NLRP2: variants seen among roughly 807,000 people sequenced by gnomAD.
The protein encoded by NLRP2 is NACHT, LRR and PYD domains-containing protein 2.
A neutral mutation model predicts 97.2 loss-of-function variants in NLRP2; 107 were observed. That is an observed-to-expected ratio of 1.10 (90% CI 0.94 to 1.29). NLRP2 has a LOEUF of 1.29. NLRP2 is among the 50% of genes most tolerant of loss of function. NLRP2 has a pLI of 0.00. For synonymous variants in NLRP2, 663 were observed against 551.5 expected, an observed-to-expected ratio of 1.20 and a Z score of -2.83; for missense variants, 1,495 against 1,330.3, an observed-to-expected ratio of 1.12 and a Z score of -1.93.
intron 3 of NLRP2, 137 bp from the exon 4 acceptor site, chr19:54,977,615 C>T (rs974553425): frequency 2.4e-6 from 2 of 819,790 alleles, no homozygotes; most frequent in South Asian, 1.3e-5. Context: ...TTCACTTTTA[C>T]ATCCAGTACC....
intron 2 of NLRP2, among the ~76,000 whole-genome samples, chr19:54,970,770 C>CTTTTTTTTTTTTTTTTTTTTCTTTTTTTT (rs34406686): frequency 1.8e-5 from 2 of 108,468 alleles, no homozygotes; most frequent in Admixed American, 9.7e-5. Flanking sequence ...CTACCTACTT[C>CTTTTTTTTTTTTTTTTTTTTCTTTTTTTT]TTTTTTTTTT....
At chr19:54,987,309 C>T (rs1222262290) in intron 8 of NLRP2, among the ~76,000 whole-genome samples, 1 of 152,160 alleles carries the variant, frequency 6.6e-6, no homozygotes, top group African/African-American at 2.4e-5. Context: ...TCAGGAACAT[C>T]AAGTTGCCCC....
Position 54,986,288 on chromosome 19 carries a change from A to C in NLRP2, c.2339A>C (p.His780Pro), listed in dbSNP as rs971494741. 10 of 1,614,018 alleles carry C rather than the reference A, an allele frequency of 6.2e-6. No homozygotes were observed. The highest frequency in any genetic ancestry group is 1.7e-5 in the Admixed American group (1 of 59,982). The change falls in exon 8 of 13, where the codon CAT becomes CCT. Residue 780 changes from histidine to proline, a missense_variant. Coordinates refer to ENST00000448584, the MANE Select transcript of NLRP2 (RefSeq NM_017852.5). ...CCCGCATTGTGTGAGGTCTTGAGAC[A>C]TCCAGAATGTAACCTGCGATATCTC... ...MFPALCEVLR[H>P]PECNLRYLGL... is the part of the protein sequence containing the mutation.
Position 54,977,767 on chromosome 19 carries a change from AACGACC to A in NLRP2, c.344_349del (p.Arg115_Pro116del), listed in dbSNP as rs2071335415. The stretch of plus-strand genomic sequence containing the variant: ...TTTTCTCCAGGGATAACACGGAAAG[AACGACC>A]ACCTCTAGACGTGGACGAAATGCTG... On this transcript the variant is annotated inframe_deletion, in exon 4 of 13. Transcript: ENST00000448584. The A allele has an allele frequency of 6.2e-7, 1 of 1,613,718 alleles. No homozygotes were observed. The highest frequency in any genetic ancestry group is 1.7e-5 in the Admixed American group (1 of 59,940).
At chr19:54,985,906 G>A (rs1206612818) in intron 7 of NLRP2, among the ~76,000 whole-genome samples, 3 of 151,976 alleles carry the variant, frequency 2.0e-5, no homozygotes, top group South Asian at 2.1e-4. Context: ...GCTGAGGGTA[G>A]GAGTCGCTTG....
chr19:54,990,317 A>T (rs1289653087), intron 9 of NLRP2, 125 bp downstream of exon 9: 2 of 1,164,790 alleles, frequency 1.7e-6, no homozygotes, highest in South Asian at 1.2e-5. Context: ...CCATGTTTAG[A>T]TCCAGGCCGA....
intron 10 of NLRP2, chr19:54,991,191 C>T (rs1460031579): frequency 5.8e-6 from 1 of 173,302 alleles, no homozygotes; most frequent in Non-Finnish European, 1.2e-5. Context: ...AGTGTACGCT[C>T]AGACTCCCAA....
chr19:54,990,043 C>A lies in NLRP2; in HGVS notation c.2388C>A (p.Thr796=). ...RYLGLVSCSA[T]TQQWADLSLA... is the part of the protein sequence containing the mutation. Reference sequence around the variant, plus strand: ...ACAGGTTGGTGTCTTGTTCCGCTACCACTCAGCAGTGGGCTGATCTCTCCT... The same window carrying A: ...ACAGGTTGGTGTCTTGTTCCGCTACAACTCAGCAGTGGGCTGATCTCTCCT... The change falls in exon 9 of 13, where the codon ACC becomes ACA. Residue 796 remains threonine, a synonymous_variant. Transcript: ENST00000448584. 6.2e-7 allele frequency: 1 copy of A among 1,614,074 alleles called. No individual in the cohort carries two copies. Among genetic ancestry groups the A allele is most frequent in the Non-Finnish European group, 8.5e-7 (1 of 1,180,018 alleles).
intron 8 of NLRP2, chr19:54,989,721 C>G (rs374219633): frequency 3.9e-6 from 2 of 507,228 alleles, no homozygotes; most frequent in African/African-American, 3.8e-5. Context: ...CGGTGGCTCA[C>G]GCCTGTCATC....
intron 10 of NLRP2, chr19:54,990,885 GTAGC>G (rs2072432634): frequency 1.7e-6 from 1 of 600,040 alleles, no homozygotes; most frequent in Non-Finnish European, 3.0e-6. Context: ...TTTGGGGAAT[GTAGC>G]TGGTTTTCGG....
Position 54,983,178 on chromosome 19 carries a change from G to A in NLRP2, c.1480G>A (p.Val494Ile). 1 of 1,614,022 alleles carries A rather than the reference G, an allele frequency of 6.2e-7. No individual in the cohort carries two copies. The highest frequency in any genetic ancestry group is 8.5e-7 in the Non-Finnish European group (1 of 1,180,014). ...LDGDILRQDR[V>I]SKGCYSFIHL... is the part of the protein sequence containing the mutation. ...CGGAGACATCCTCCGCCAGGACAGAGTCTCCAAAGGCTGCTACTCCTTCAT... is the reference window on the plus strand; with the variant it reads ...CGGAGACATCCTCCGCCAGGACAGAATCTCCAAAGGCTGCTACTCCTTCAT... Residue 494 changes from valine (V) to isoleucine (I), a missense_variant, in exon 6 of 13, where the codon GTC becomes ATC. Physicochemically the swap from Val to Ile is conservative, Grantham distance 29 (BLOSUM62 3). Coordinates refer to ENST00000448584, the MANE Select transcript of NLRP2 (RefSeq NM_017852.5).
At chr19:54,981,325 C>T (rs561259893) in intron 4 of NLRP2, among the ~76,000 whole-genome samples, 33 of 151,858 alleles carry the variant, frequency 2.2e-4, no homozygotes, top group Admixed American at 4.6e-4. Context: ...TGCGCCACCA[C>T]GCCTGGCTAA....
At position 54,986,450 on chromosome 19, in the gene NLRP2, G is replaced by A. The variant is rs2072093366; in HGVS notation, c.2366+135G>A. 10 of 775,566 alleles carry A rather than the reference G, an allele frequency of 1.3e-5. No individual in the cohort carries two copies. The South Asian group carries it at 1.3e-4, about 10-fold the overall frequency. 48.0% of individuals were successfully genotyped at this position (775,566 alleles called of 1,614,324 possible). A position where few individuals can be genotyped will look rare whatever the true frequency, so the allele number is the denominator to read the frequency against. On this transcript the variant is annotated intron_variant, in intron 8 of 12. Transcript: ENST00000448584. ...GTACTAAGGGCAGATGACCCAGGAT[G>A]CAGCATGGGCTGAACTTGAGTTTCT...
Position 54,982,743 on chromosome 19 carries a change from G to T in NLRP2, c.1045G>T (p.Glu349Ter). Residue 349 changes from glutamate to a stop codon, truncating the protein, a stop_gained, in exon 6 of 13, where the codon GAG becomes TAG. Coordinates refer to ENST00000448584, the MANE Select transcript of NLRP2 (RefSeq NM_017852.5). LOFTEE classifies it high-confidence loss of function. Reference sequence around the variant, plus strand: ...CCTGAGGGACCTCCGGATCCTGGCGGAGGAGCCGATCTACATAAGGGTGGA... The same window carrying T: ...CCTGAGGGACCTCCGGATCCTGGCGTAGGAGCCGATCTACATAAGGGTGGA... ...RALRDLRILA[E>*]EPIYIRVEGF... is the part of the protein sequence containing the mutation. 6.2e-7 allele frequency: 1 copy of T among 1,614,078 alleles called. No homozygotes were observed. The highest frequency in any genetic ancestry group is 8.5e-7 in the Non-Finnish European group (1 of 1,179,998).
rs1286179809 is a variant in NLRP2 at position 54,984,332 on chromosome 19, T to G, written c.2030+604T>G. The stretch of plus-strand genomic sequence containing the variant: ...TTAAGTGGGGGTTTTTTTTTGTGTT[T>G]TTTTTTTTTTTTTTTTTTTTGGAAA... On this transcript the variant is annotated intron_variant, in intron 6 of 12. Transcript: ENST00000448584. 2.7e-3 allele frequency among the ~76,000 whole-genome samples: 229 copies of G among 83,744 alleles called. 7 individuals are homozygous for G. The highest frequency in any genetic ancestry group is 4.9e-3 in the Middle Eastern group (1 of 206). 54.9% of individuals were successfully genotyped at this position (83,744 alleles called of 152,430 possible).
chr19:54,971,858 T>A (rs1251474429), intron 2 of NLRP2, among the ~76,000 whole-genome samples: 1 of 152,138 alleles, frequency 6.6e-6, no homozygotes, highest in Non-Finnish European at 1.5e-5. Context: ...AGAGAGGATC[T>A]CACTCTGTCA....
chr19:54,970,063 G>A lies in NLRP2; in HGVS notation c.48G>A (p.Glu16=). ...QMGFNLQALL[E]QLSQDELSKF... is the part of the protein sequence containing the mutation. The stretch of plus-strand genomic sequence containing the variant: ...GCTTCAACCTGCAGGCTCTCCTGGA[G>A]CAGCTCAGCCAGGATGAGTTGAGCA... Residue 16 remains glutamate, a synonymous_variant, in exon 2 of 13, where the codon GAG becomes GAA. Coordinates refer to ENST00000448584, the MANE Select transcript of NLRP2 (RefSeq NM_017852.5). 6.2e-7 allele frequency: 1 copy of A among 1,614,090 alleles called. No individual in the cohort carries two copies. The highest frequency in any genetic ancestry group is 8.5e-7 in the Non-Finnish European group (1 of 1,180,028).
rs2070752208 is a variant in NLRP2 at position 54,970,155 on chromosome 19, T to C, written c.140T>C (p.Val47Ala). 3.7e-6 allele frequency: 6 copies of C among 1,613,858 alleles called. No individual in the cohort carries two copies. The East Asian group carries it at 8.9e-5, about 24-fold the overall frequency. Residue 47 changes from valine to alanine, a missense_variant, in exon 2 of 13, where the codon GTA (valine) becomes GCA (alanine). Val to Ala is a moderately conservative substitution (Grantham distance 64, BLOSUM62 0). Coordinates refer to ENST00000448584, the MANE Select transcript of NLRP2 (RefSeq NM_017852.5). ...HELQKIPHKE[V>A]DKADGKQLVE... is the part of the protein sequence containing the mutation. ...CTCCAGAAGATCCCCCACAAGGAGG[T>C]AGACAAGGCTGATGGGAAGCAACTG... is the stretch of plus-strand genomic sequence containing the variant.
chr19:54,981,757 C>T (rs2071591915), intron 5 of NLRP2, 75 bp downstream of exon 5: 1 of 871,208 alleles, frequency 1.1e-6, no homozygotes, highest in Admixed American at 1.7e-5. Context: ...CTTAACTTTC[C>T]TATGTAACAC....
Sources: allele counts gnomAD v4.1 joint callset (sites outside exome capture counted in the v4.1 genomes callset), GRCh38; gene constraint gnomAD v4.1.1; transcripts MANE v1.5; gene names NCBI Gene and HGNC (gene_info 2026-07-23, HGNC 2026-07-21).